The following AGPAT4 variants were observed in gnomAD, a reference collection of about 807,000 sequenced individuals.
AGPAT4 encodes 1-acylglycerol-3-phosphate O-acyltransferase 4.
In AGPAT4, 15 loss-of-function variants were observed where a neutral mutation model predicts 48.0. The observed-to-expected ratio is 0.31, with a 90% CI of 0.21 to 0.48. The LOEUF is 0.48. AGPAT4 is among the 20% of genes least tolerant of loss of function. The pLI is 0.99. For missense variants in AGPAT4, 314 were observed against 482.5 expected (o/e 0.65, Z 3.27); for synonymous variants, 178 against 198.7 (o/e 0.90, Z 0.88).
In AGPAT4 at chr6:161,169,587, T is replaced by G. The variant is rs747118567; in HGVS notation, c.179-3170A>C. On this transcript the variant is annotated intron_variant, in intron 2 of 8. Transcript: ENST00000320285. The surrounding 1 kb of genome is among the most constrained non-coding windows in gnomAD (Gnocchi z 5.0). Reference sequence around the variant, plus strand: ...CTGGGTTCAAGCAATCCTTCCACCTTGGCCTCCCAAAGTGCTGGGATTATA... The same window carrying G: ...CTGGGTTCAAGCAATCCTTCCACCTGGGCCTCCCAAAGTGCTGGGATTATA... 4.2e-4 allele frequency among the ~76,000 whole-genome samples: 64 copies of G among 152,260 alleles called. No individual in the cohort carries two copies. The highest frequency in any genetic ancestry group is 3.4e-3 in the Middle Eastern group (1 of 294).
rs1347800880 is a variant in AGPAT4, at chr6:161,251,110, C to T, written c.-89-18808G>A. Among the ~76,000 whole-genome samples the T allele has an allele frequency of 2.6e-5, 4 of 152,136 alleles. No individual in the cohort carries two copies. Among genetic ancestry groups the T allele is most frequent in the Non-Finnish European group, 5.9e-5 (4 of 68,016 alleles). ...TGTTTAAACTTAGGGCTTCCTTCTA[C>T]GCTTATTTCTTATCCTGCAGAAAAC... On this transcript the variant is annotated intron_variant, in intron 1 of 8. Coordinates refer to ENST00000320285, the MANE Select transcript of AGPAT4 (RefSeq NM_020133.3). The surrounding 1 kb of genome is among the most constrained non-coding windows in gnomAD (Gnocchi z 4.6).
chr6:161,179,450 A>G (rs1188065913), intron 2 of AGPAT4, among the ~76,000 whole-genome samples: 1 of 152,234 alleles, frequency 6.6e-6, no homozygotes, highest in Non-Finnish European at 1.5e-5. Context: ...TACCTACGAC[A>G]TAAAGATAAA....
At chr6:161,213,697 G>T (rs995043984) in intron 2 of AGPAT4, among the ~76,000 whole-genome samples, 1 of 151,974 alleles carries the variant, frequency 6.6e-6, no homozygotes, top group Non-Finnish European at 1.5e-5. Context: ...AGAGTAATGT[G>T]GCCTATATTG....
Position 161,140,453 on chromosome 6 carries a change from C to T in AGPAT4, c.844-833G>A, listed in dbSNP as rs963562729. Among the ~76,000 whole-genome samples, 7 of 152,250 alleles carry T rather than the reference C, an allele frequency of 4.6e-5. No individual in the cohort carries two copies. The highest frequency in any genetic ancestry group is 8.8e-5 in the Non-Finnish European group (6 of 68,050). On this transcript the variant is annotated intron_variant, in intron 7 of 8. Coordinates refer to ENST00000320285, the MANE Select transcript of AGPAT4 (RefSeq NM_020133.3). The surrounding 1 kb of genome is among the most constrained non-coding windows in gnomAD (Gnocchi z 6.5). ...GTTACTCCAGAGCCTCATGGCGCTC[C>T]TTGCAGTCCCTGGGTGAGAACAGGG...
chr6:161,220,908 C>A lies in AGPAT4; in HGVS notation c.178+11128G>T, dbSNP rs952101225. On this transcript the variant is annotated intron_variant, in intron 2 of 8. Transcript: ENST00000320285. This position sits in a 1 kb window ranked among gnomAD's most constrained non-coding sequence, Gnocchi z 6.0. The stretch of plus-strand genomic sequence containing the variant: ...AAGCAATTCTCCTGCCTCAGTCTCC[C>A]GAGTAGCTGGGATTACAGGCGCGTG... Among the ~76,000 whole-genome samples the A allele has an allele frequency of 6.6e-6, 1 of 152,078 alleles. No individual in the cohort carries two copies. The highest frequency in any genetic ancestry group is 1.5e-5 in the Non-Finnish European group (1 of 68,018).
chr6:161,209,973 T>C (rs1781480295), intron 2 of AGPAT4, among the ~76,000 whole-genome samples: 1 of 152,148 alleles, frequency 6.6e-6, no homozygotes, highest in Admixed American at 6.6e-5. Context: ...ACAGAGGTTA[T>C]TCTTGGATTT....
intron 7 of AGPAT4, among the ~76,000 whole-genome samples, chr6:161,145,885 C>T (rs1046328099): frequency 1.3e-5 from 2 of 151,736 alleles, no homozygotes; most frequent in Admixed American, 1.3e-4. Flanking sequence ...CATAAAAATG[C>T]TTTTCTCACC....
intron 1 of AGPAT4, among the ~76,000 whole-genome samples, chr6:161,260,665 A>AAAC (rs1783073790): frequency 6.7e-6 from 1 of 149,074 alleles, no homozygotes; most frequent in Non-Finnish European, 1.5e-5. Flanking sequence ...CAAAAAAAAA[A>AAAC]AAAAAAAAAA....
chr6:161,151,603 C>T (rs1779594752), intron 5 of AGPAT4, among the ~76,000 whole-genome samples: 1 of 152,224 alleles, frequency 6.6e-6, no homozygotes, highest in South Asian at 2.1e-4. Context: ...TATCATGTAC[C>T]AGGTGGGATG....
rs979734319 is a variant in AGPAT4 at position 161,149,004 on chromosome 6, T to A, written c.767+183A>T. The stretch of plus-strand genomic sequence containing the variant: ...TGGTTACAGAGGATCCGGAAGGAGC[T>A]GGGACGGAAGGAGACTTCAGCAGAT... On this transcript the variant is annotated intron_variant, in intron 6 of 8. Transcript: ENST00000320285. The surrounding 1 kb of genome is among the most constrained non-coding windows in gnomAD (Gnocchi z 6.5). Among the ~76,000 whole-genome samples, 1 of 152,244 alleles carries A rather than the reference T, an allele frequency of 6.6e-6. No individual in the cohort carries two copies. The highest frequency in any genetic ancestry group is 2.4e-5 in the African/African-American group (1 of 41,462).
At chr6:161,160,612 C>T (rs1009656494) in intron 3 of AGPAT4, 7 of 207,080 alleles carry the variant, frequency 3.4e-5, no homozygotes, top group East Asian at 1.0e-4. Flanking sequence ...TGCAGATGTG[C>T]GGAGAGGAGA....
chr6:161,188,583 G>A (rs751096646), intron 2 of AGPAT4, among the ~76,000 whole-genome samples: 6 of 152,080 alleles, frequency 3.9e-5, no homozygotes, highest in Admixed American at 2.0e-4. Flanking sequence ...AATACTAAAC[G>A]ACATTATGAG....
rs1780198375 is a variant in AGPAT4, at chr6:161,169,220, A to G, written c.179-2803T>C. 6.6e-6 allele frequency among the ~76,000 whole-genome samples: 1 copy of G among 152,128 alleles called. No homozygotes were observed. Among genetic ancestry groups the G allele is most frequent in the Non-Finnish European group, 1.5e-5 (1 of 68,024 alleles). ...CTAAAGGCAATATAAAAACCACTGG[A>G]GCATTTTTAAATAGACACACACCAA... On this transcript the variant is annotated intron_variant, in intron 2 of 8. Transcript: ENST00000320285. This position sits in a 1 kb window ranked among gnomAD's most constrained non-coding sequence, Gnocchi z 5.0.
intron 5 of AGPAT4, among the ~76,000 whole-genome samples, chr6:161,151,815 G>A (rs1170349211): frequency 6.6e-6 from 1 of 152,228 alleles, no homozygotes; most frequent in East Asian, 1.9e-4. Context: ...AGTGCAGAGC[G>A]CAGCAGCCTG....
At position 161,147,711 on chromosome 6, in the gene AGPAT4, T is replaced by C. The variant is rs1002206866; in HGVS notation, c.768-1112A>G. Among the ~76,000 whole-genome samples, 7 of 152,228 alleles carry C rather than the reference T, an allele frequency of 4.6e-5. No individual in the cohort carries two copies. The highest frequency in any genetic ancestry group is 2.0e-4 in the Admixed American group (3 of 15,280). ...CACTGCACTTCTCTGGATCCTCTAC[T>C]TCTTTGCTGTTTGATCTACTCTGCT... On this transcript the variant is annotated intron_variant, in intron 6 of 8. Transcript: ENST00000320285. The surrounding 1 kb of genome is among the most constrained non-coding windows in gnomAD (Gnocchi z 4.8).
At chr6:161,192,801 T>C (rs1370078805) in intron 2 of AGPAT4, among the ~76,000 whole-genome samples, 1 of 152,216 alleles carries the variant, frequency 6.6e-6, no homozygotes, top group African/African-American at 2.4e-5. Context: ...GACTAGAACT[T>C]CTTTTTCTTT....
intron 2 of AGPAT4, among the ~76,000 whole-genome samples, chr6:161,179,299 C>T (rs1318436984): frequency 6.6e-6 from 1 of 152,164 alleles, no homozygotes; most frequent in Non-Finnish European, 1.5e-5. Context: ...CCCAGCACCA[C>T]TCTCTAAGGT....
chr6:161,178,618 G>A lies in AGPAT4; in HGVS notation c.179-12201C>T, dbSNP rs879595159. On this transcript the variant is annotated intron_variant, in intron 2 of 8. Coordinates refer to ENST00000320285, the MANE Select transcript of AGPAT4 (RefSeq NM_020133.3). The surrounding 1 kb of genome is among the most constrained non-coding windows in gnomAD (Gnocchi z 5.1). ...CCCCACCCTGCTTCAGCTCACACTC[G>A]CGTGGGCTGCACCCACTGTCCGACA... Among the ~76,000 whole-genome samples the A allele has an allele frequency of 3.3e-5, 5 of 152,076 alleles. No homozygotes were observed. Among genetic ancestry groups the A allele is most frequent in the Non-Finnish European group, 5.9e-5 (4 of 68,016 alleles).
intron 2 of AGPAT4, among the ~76,000 whole-genome samples, chr6:161,175,387 G>T (rs1209767249): frequency 6.6e-6 from 1 of 152,016 alleles, no homozygotes; most frequent in Non-Finnish European, 1.5e-5. Context: ...GAAGGTGTAT[G>T]TGTCCAGGAA....
Sources: allele counts gnomAD v4.1 joint callset (sites outside exome capture counted in the v4.1 genomes callset), GRCh38; gene constraint gnomAD v4.1.1; non-coding constraint Gnocchi (gnomAD v3.1); transcripts MANE v1.5; gene names NCBI Gene and HGNC (gene_info 2026-07-23, HGNC 2026-07-21).